Variants in OR6F1 observed in about 807,000 individuals in gnomAD.
The protein encoded by OR6F1 is olfactory receptor family 6 subfamily F member 1, also known as olfactory receptor 6F1.
For synonymous variants in OR6F1, 144 were observed against 150.0 expected (o/e 0.96, Z 0.29); for missense variants, 346 against 376.0 (o/e 0.92, Z 0.66).
chr1:247,712,953 A>T (rs1660037083), intron 2 of OR6F1, 136 bp from the exon 3 acceptor site: 1 of 501,006 alleles, frequency 2.0e-6, no homozygotes, highest in Non-Finnish European at 3.5e-6. Flanking sequence ...TTAATGAAAC[A>T]GTGAGATATG....
At position 247,711,793 on chromosome 1, in the gene OR6F1, G is replaced by T. The variant is rs1239725868; in HGVS notation, c.*36C>A. 2.2e-6 allele frequency: 3 copies of T among 1,378,058 alleles called. No individual in the cohort carries two copies. Among genetic ancestry groups the T allele is most frequent in the South Asian group, 1.2e-5 (1 of 82,534 alleles). 85.4% of individuals were successfully genotyped at this position (1,378,058 alleles called of 1,614,324 possible). A position where few individuals can be genotyped will look rare whatever the true frequency, so the allele number is the denominator to read the frequency against. ...CTTGGAACCTCTGTATAGATGCAGA[G>T]ACCATTTACAGGACATCTGTTGTGG... On this transcript the variant is annotated 3_prime_UTR_variant, in exon 3 of 3. Transcript: ENST00000641470.
intron 1 of OR6F1, among the ~76,000 whole-genome samples, chr1:247,714,383 A>T (rs763443129): frequency 9.2e-5 from 14 of 152,098 alleles, no homozygotes; most frequent in Non-Finnish European, 2.1e-4. Context: ...TATTCCACTA[A>T]TCTCCCCATA....
At chr1:247,713,575 G>A (rs1160146758) in intron 2 of OR6F1, among the ~76,000 whole-genome samples, 2 of 152,198 alleles carry the variant, frequency 1.3e-5, no homozygotes, top group Non-Finnish European at 2.9e-5. Context: ...CTAAGCACTA[G>A]TTTTGAGAAT....
Position 247,712,589 on chromosome 1 carries a change from T to A in OR6F1, c.167A>T (p.His56Leu). 2 of 1,614,096 alleles carry A rather than the reference T, an allele frequency of 1.2e-6. No homozygotes were observed. The highest frequency in any genetic ancestry group is 1.7e-6 in the Non-Finnish European group (2 of 1,179,962). ...LMLVSTSHQL[H>L]TPMYFFLSNL... ...GCTCAGAAAGAAGTACATGGGGGTA[T>A]GCAACTGATGGGAGGTGCTCACCAA... Residue 56 changes from histidine to leucine, a missense_variant, in exon 3 of 3, where the codon CAT becomes CTT. By Grantham distance (99) the His-to-Leu change is moderately conservative. Transcript: ENST00000641470.
Position 247,712,519 on chromosome 1 carries a change from G to T in OR6F1, c.237C>A (p.Pro79=). 2 of 1,613,210 alleles carry T rather than the reference G, an allele frequency of 1.2e-6. No individual in the cohort carries two copies. Among genetic ancestry groups the T allele is most frequent in the Non-Finnish European group, 1.7e-6 (2 of 1,179,110 alleles). ...LEIWYTTAAV[P]KALAILLGRS... ...TCCCCAGTAGGATGGCCAGTGCTTT[G>T]GGCACTGCTGCTGTGGTATACCAAA... Residue 79 remains proline, a synonymous_variant, in exon 3 of 3, where the codon CCC becomes CCA. Coordinates refer to ENST00000641470, the MANE Select transcript of OR6F1 (RefSeq NM_001005286.2).
intron 1 of OR6F1, among the ~76,000 whole-genome samples, chr1:247,714,970 C>G (rs78000267): frequency 0.053 from 8,020 of 152,078 alleles, 218 homozygotes; most frequent in Non-Finnish European, 0.067. Context: ...TTGTTAAGAA[C>G]AGCAAAAAGT....
At position 247,712,687 on chromosome 1, in the gene OR6F1, A is replaced by G; in HGVS notation, c.69T>C (p.Leu23=). ...GAAAAAGCATAAAGAGAGAGAGCTG[A>G]AGAGTTTGAGAACCAGGAAAGCCCA... ...LLLGFPGSQT[L]QLSLFMLFLV... is the part of the protein sequence containing the mutation. The change falls in exon 3 of 3, where the codon CTT becomes CTC. Residue 23 remains leucine, a synonymous_variant. Transcript: ENST00000641470. 2 of 1,612,206 alleles carry G rather than the reference A, an allele frequency of 1.2e-6. No homozygotes were observed. Among genetic ancestry groups the G allele is most frequent in the Non-Finnish European group, 1.7e-6 (2 of 1,179,826 alleles).
chr1:247,711,672 C>T lies in OR6F1; in HGVS notation c.*157G>A, dbSNP rs574700616. 8.4e-5 allele frequency: 46 copies of T among 549,340 alleles called. No individual in the cohort carries two copies. In the Middle Eastern group the frequency reaches 1.4e-3, roughly 17 times the overall value. The allele number at this position is 549,340 out of a possible 1,614,324, so 34.0% of individuals were successfully genotyped here. Reference sequence around the variant, plus strand: ...GTCAAAAACTCCCATTTTTATCATACATGATAATGTATAGAAAATACAGTA... The same window carrying T: ...GTCAAAAACTCCCATTTTTATCATATATGATAATGTATAGAAAATACAGTA... On this transcript the variant is annotated 3_prime_UTR_variant, in exon 3 of 3. Coordinates refer to ENST00000641470, the MANE Select transcript of OR6F1 (RefSeq NM_001005286.2).
chr1:247,713,015 G>A, intron 2 of OR6F1, among the ~76,000 whole-genome samples, 198 bp from the exon 3 acceptor site: 1 of 152,178 alleles, frequency 6.6e-6, no homozygotes, highest in Non-Finnish European at 1.5e-5. Flanking sequence ...AAAAACGTCA[G>A]CAATTCTGGA....
At position 247,716,518 on chromosome 1, in the gene OR6F1, A is replaced by C. The variant is rs1660107969; in HGVS notation, c.-314T>G. 1 of 151,978 alleles carries C rather than the reference A, an allele frequency of 6.6e-6. No individual in the cohort carries two copies. The highest frequency in any genetic ancestry group is 2.1e-4 in the South Asian group (1 of 4,816). The allele number at this position is 151,978 out of a possible 1,614,324, so 9.4% of individuals were successfully genotyped here. On this transcript the variant is annotated 5_prime_UTR_variant, in exon 1 of 3. The change abolishes an upstream ATG in the 5' untranslated region. Transcript: ENST00000641470. Reference sequence around the variant, plus strand: ...AGTGTGCTTCCTTCGGTTGACATCCATTACTCCTTTATTAACTCAAACTTT... The same window carrying C: ...AGTGTGCTTCCTTCGGTTGACATCCCTTACTCCTTTATTAACTCAAACTTT...
intron 1 of OR6F1, among the ~76,000 whole-genome samples, chr1:247,716,029 G>T (rs953925843): frequency 1.3e-5 from 2 of 152,074 alleles, no homozygotes; most frequent in African/African-American, 4.8e-5. Flanking sequence ...AGGGCGGGGG[G>T]ATCACTTGAG....
chr1:247,712,000 A>G lies in OR6F1; in HGVS notation c.756T>C (p.Tyr252=). The stretch of plus-strand genomic sequence containing the variant: ...GGACGTGAAGGAAAACTGTGGACCC[A>G]TACCAAATGAGCACCACGGTGAGAT... ...SSHLTVVLIW[Y]GSTVFLHVRT... Residue 252 remains tyrosine, a synonymous_variant, in exon 3 of 3, where the codon TAT becomes TAC. Coordinates refer to ENST00000641470, the MANE Select transcript of OR6F1 (RefSeq NM_001005286.2). 2 of 1,614,232 alleles carry G rather than the reference A, an allele frequency of 1.2e-6. No homozygotes were observed. Among genetic ancestry groups the G allele is most frequent in the Non-Finnish European group, 1.7e-6 (2 of 1,180,024 alleles).
intron 1 of OR6F1, among the ~76,000 whole-genome samples, chr1:247,715,468 T>C (rs1477210297): frequency 2.6e-5 from 4 of 152,234 alleles, no homozygotes; most frequent in Non-Finnish European, 5.9e-5. Context: ...CTTTTACTTA[T>C]GCTGCTGAAT....
chr1:247,713,611 T>C (rs1165420521), intron 2 of OR6F1, among the ~76,000 whole-genome samples: 1 of 152,180 alleles, frequency 6.6e-6, no homozygotes, highest in African/African-American at 2.4e-5. Flanking sequence ...GAAGGTCAAT[T>C]GGGAAGCTAT....
In OR6F1 at chr1:247,711,979, G is replaced by A. The variant is rs1047241669; in HGVS notation, c.777C>T (p.His259=). The A allele has an allele frequency of 2.5e-6, 4 of 1,614,048 alleles. No individual in the cohort carries two copies. Among genetic ancestry groups the A allele is most frequent in the Non-Finnish European group, 3.4e-6 (4 of 1,180,010 alleles). ...LIWYGSTVFL[H]VRTSIKDALD... The stretch of plus-strand genomic sequence containing the variant: ...AGGCATCTTTGATAGAGGTGCGGAC[G>A]TGAAGGAAAACTGTGGACCCATACC... Residue 259 remains histidine (H), a synonymous_variant, in exon 3 of 3, where the codon CAC becomes CAT. Transcript: ENST00000641470.
At chr1:247,713,482 C>T (rs2103190392) in intron 2 of OR6F1, among the ~76,000 whole-genome samples, 1 of 152,240 alleles carries the variant, frequency 6.6e-6, no homozygotes, top group African/African-American at 2.4e-5. Flanking sequence ...TCCTGATGCC[C>T]ACTTGGAAGT....
Position 247,712,615 on chromosome 1 carries a change from C to T in OR6F1, c.141G>A (p.Met47Ile). ...LTVSGNVAIL[M>I]LVSTSHQLHT... is the part of the protein sequence containing the mutation. ...GCAACTGATGGGAGGTGCTCACCAA[C>T]ATCAAGATAGCCACATTACCACTAA... is the stretch of plus-strand genomic sequence containing the variant. The change falls in exon 3 of 3, where the codon ATG (methionine) becomes ATA (isoleucine). Residue 47 changes from methionine to isoleucine, a missense_variant. Met to Ile is a conservative substitution (Grantham distance 10). Coordinates refer to ENST00000641470, the MANE Select transcript of OR6F1 (RefSeq NM_001005286.2). 6 of 1,613,988 alleles carry T rather than the reference C, an allele frequency of 3.7e-6. No homozygotes were observed. Among genetic ancestry groups the T allele is most frequent in the Non-Finnish European group, 5.1e-6 (6 of 1,179,918 alleles).
rs187284784 is a variant in OR6F1, at chr1:247,712,787, G to A, written c.-32C>T. 1.1e-4 allele frequency: 146 copies of A among 1,309,352 alleles called. No homozygotes were observed. Among genetic ancestry groups the A allele is most frequent in the Admixed American group, 6.4e-4 (36 of 55,826 alleles). 81.1% of individuals were successfully genotyped at this position (1,309,352 alleles called of 1,614,324 possible). ...ACTGAAACCAGAAAACAGAGTCCCC[G>A]CACTGAGCCCTTTAACCCAATCACA... On this transcript the variant is annotated 5_prime_UTR_variant, in exon 3 of 3. Transcript: ENST00000641470.
At chr1:247,714,538 G>T (rs573608586) in intron 1 of OR6F1, among the ~76,000 whole-genome samples, 1 of 152,110 alleles carries the variant, frequency 6.6e-6, no homozygotes, top group East Asian at 1.9e-4. Context: ...GAATTCTCCC[G>T]TGTGTATGTG....
Sources: gnomAD v4.1 joint callset for allele counts (sites outside exome capture counted in the v4.1 genomes callset) on GRCh38, gnomAD v4.1.1 for gene constraint, MANE v1.5 for transcripts, NCBI Gene and HGNC (gene_info 2026-07-23, HGNC 2026-07-21) for gene names.